Variants in ABCC4 observed in about 807,000 individuals in gnomAD.
ABCC4 encodes ATP-binding cassette sub-family C member 4.
In ABCC4, 102 loss-of-function variants were observed where a neutral mutation model predicts 168.5. The observed-to-expected ratio is 0.61, with a 90% CI of 0.52 to 0.71. ABCC4 has a LOEUF of 0.71. ABCC4 is among the 30% of genes least tolerant of loss of function. The pLI, the probability that ABCC4 is intolerant of heterozygous loss-of-function variation, is 0.00. For missense variants in ABCC4, 1,402 were observed against 1,605.8 expected, an observed-to-expected ratio of 0.87 and a Z score of 2.17; for synonymous variants, 617 against 590.7, an observed-to-expected ratio of 1.04 and a Z score of -0.65.
intron 27 of ABCC4, among the ~76,000 whole-genome samples, chr13:95,050,801 G>A (rs191047196): frequency 9.3e-4 from 142 of 152,292 alleles, no homozygotes; most frequent in Non-Finnish European, 7.3e-5. Context: ...TTACAGTCAA[G>A]TTCCATGATG....
At chr13:95,226,184 T>C (rs2039461955) in intron 4 of ABCC4, among the ~76,000 whole-genome samples, 2 of 150,320 alleles carry the variant, frequency 1.3e-5, no homozygotes. Flanking sequence ...TCTAAGACCA[T>C]GTCTTAGAAT....
intron 19 of ABCC4, among the ~76,000 whole-genome samples, chr13:95,150,224 A>G (rs1312489630): frequency 6.6e-6 from 1 of 151,984 alleles, no homozygotes; most frequent in Non-Finnish European, 1.5e-5. Flanking sequence ...TGAGCCTCCC[A>G]AGTAGCTGGG....
chr13:95,273,337 G>A (rs1271346841), intron 1 of ABCC4, among the ~76,000 whole-genome samples: 7 of 152,112 alleles, frequency 4.6e-5, no homozygotes, highest in African/African-American at 7.2e-5. Context: ...CAGCCTTACC[G>A]CAGCTCTGTC....
chr13:95,131,641 GA>G, intron 19 of ABCC4, among the ~76,000 whole-genome samples: 1 of 151,862 alleles, frequency 6.6e-6, no homozygotes. Context: ...AAAAAGAAGA[GA>G]AAAGAAAAAG....
At chr13:95,051,700 CTT>C (rs2032843834) in intron 27 of ABCC4, among the ~76,000 whole-genome samples, 1 of 120,904 alleles carries the variant, frequency 8.3e-6, no homozygotes, top group Admixed American at 8.7e-5. Flanking sequence ...GAGTTTCACT[CTT>C]GTTGCCTAGG....
At chr13:95,274,356 C>A (rs1267492024) in intron 1 of ABCC4, among the ~76,000 whole-genome samples, 1 of 152,138 alleles carries the variant, frequency 6.6e-6, no homozygotes, top group Non-Finnish European at 1.5e-5. Flanking sequence ...AAGGGCCCAG[C>A]CAGGAGCACA....
chr13:95,288,523 A>C (rs1253822310), intron 1 of ABCC4, among the ~76,000 whole-genome samples: 2 of 152,190 alleles, frequency 1.3e-5, no homozygotes, highest in African/African-American at 4.8e-5. Context: ...GGGTAAATTT[A>C]GGCTGGACGC....
At chr13:95,294,832 T>C (rs1305676149) in intron 1 of ABCC4, among the ~76,000 whole-genome samples, 1 of 152,184 alleles carries the variant, frequency 6.6e-6, no homozygotes, top group African/African-American at 2.4e-5. Flanking sequence ...CGCACATCTG[T>C]AGTCCCAGCT....
intron 25 of ABCC4, among the ~76,000 whole-genome samples, chr13:95,066,704 C>T (rs973090100): frequency 6.6e-6 from 1 of 152,178 alleles, no homozygotes; most frequent in African/African-American, 2.4e-5. Context: ...AATGACTGAG[C>T]CCCTAAGTGA....
At chr13:95,058,477 G>A (rs554794085) in intron 26 of ABCC4, among the ~76,000 whole-genome samples, 2 of 142,406 alleles carry the variant, frequency 1.4e-5, no homozygotes, top group African/African-American at 2.5e-5. Context: ...GCAGAGGCAG[G>A]AGAATCGCTT....
chr13:95,188,659 C>G (rs937436706), intron 9 of ABCC4, 117 bp from the exon 10 acceptor site: 5 of 788,110 alleles, frequency 6.3e-6, no homozygotes, highest in African/African-American at 1.8e-5. Context: ...AAATCTTTCT[C>G]CTTCCTATTT....
In ABCC4 at chr13:95,283,997, C is replaced by T. The variant is rs548872671; in HGVS notation, c.74+17244G>A. ...GGCAAATCATCTGAGGTCGGGAGTT[C>T]GAGACCAGCCTGACCAACATAGAGA... On this transcript the variant is annotated intron_variant, in intron 1 of 30. Transcript: ENST00000645237. Among the ~76,000 whole-genome samples the T allele has an allele frequency of 2.6e-5, 4 of 151,770 alleles. No homozygotes were observed. The East Asian group carries it at 5.8e-4, about 22-fold the overall frequency.
chr13:95,248,415 G>A (rs935514018), intron 1 of ABCC4, among the ~76,000 whole-genome samples: 1 of 152,002 alleles, frequency 6.6e-6, no homozygotes, highest in Non-Finnish European at 1.5e-5. Context: ...AATTATCTAG[G>A]TACAAATTAT....
chr13:95,119,628 C>A (rs765594009), intron 19 of ABCC4, among the ~76,000 whole-genome samples: 3 of 152,040 alleles, frequency 2.0e-5, no homozygotes, highest in East Asian at 3.9e-4. Context: ...AAGTCACCTC[C>A]GGAATTCTGA....
intron 20 of ABCC4, chr13:95,096,107 CT>C: frequency 1.8e-6 from 1 of 562,230 alleles, no homozygotes; most frequent in Non-Finnish European, 3.1e-6. Context: ...CTGAGGTTTG[CT>C]TGAGGAGGGA....
At chr13:95,027,709 T>G (rs1049369009) in intron 30 of ABCC4, among the ~76,000 whole-genome samples, 1 of 152,018 alleles carries the variant, frequency 6.6e-6, no homozygotes, top group Non-Finnish European at 1.5e-5. Context: ...GAAACAGCAT[T>G]TAGAGGAAAC....
At chr13:95,177,631 G>T in intron 13 of ABCC4, 76 bp downstream of exon 13, 1 of 1,206,410 alleles carries the variant, frequency 8.3e-7, no homozygotes, top group Non-Finnish European at 1.2e-6. Context: ...TGAGCTGAAA[G>T]CCATAAAGGC....
chr13:95,300,219 C>A (rs2041639785), intron 1 of ABCC4, among the ~76,000 whole-genome samples: 1 of 151,058 alleles, frequency 6.6e-6, no homozygotes, highest in Non-Finnish European at 1.5e-5. Context: ...GGCTGTGGGC[C>A]CTCCCAGCTC....
chr13:95,085,474 A>G (rs2034226773), intron 20 of ABCC4, among the ~76,000 whole-genome samples: 1 of 152,180 alleles, frequency 6.6e-6, no homozygotes, highest in African/African-American at 2.4e-5. Flanking sequence ...AAAAAGAAAT[A>G]TAAGGAGGAA....
Sources: allele counts gnomAD v4.1 joint callset (sites outside exome capture counted in the v4.1 genomes callset), GRCh38; gene constraint gnomAD v4.1.1; transcripts MANE v1.5; gene names NCBI Gene and HGNC (gene_info 2026-07-23, HGNC 2026-07-21).